The following DNAH2 variants were observed in gnomAD, a reference collection of about 807,000 sequenced individuals.
DNAH2 encodes axonemal beta dynein heavy chain 2.
DNAH2 carries 323 observed loss-of-function variants against 523.5 expected under a neutral mutation model. That is an observed-to-expected ratio of 0.62 (90% CI 0.56 to 0.68). The LOEUF is 0.68. Ranked by LOEUF, DNAH2 falls within the 30% of genes least tolerant of loss-of-function variation. The pLI is 0.00. For missense variants in DNAH2, 4,907 were observed against 5,701.5 expected (o/e 0.86, Z 4.49); for synonymous variants, 2,093 against 2,177.4 (o/e 0.96, Z 1.08).
chr17:7,743,394 G>A lies in DNAH2; in HGVS notation c.1904+252G>A, dbSNP rs548262075. The A allele has an allele frequency of 1.2e-4, 82 of 700,964 alleles. 1 individual carries two copies. Among genetic ancestry groups the A allele is most frequent in the Middle Eastern group, 7.0e-4 (3 of 4,304 alleles). 43.4% of individuals were successfully genotyped at this position (700,964 alleles called of 1,614,324 possible). A position where few individuals can be genotyped will look rare whatever the true frequency, so the allele number is the denominator to read the frequency against. ...AACAAAACAATGATCGGCCAGGCAC[G>A]GTGGCTCACACCTGTAATCCCAGCA... On this transcript the variant is annotated intron_variant, in intron 12 of 85. Coordinates refer to ENST00000572933, the MANE Select transcript of DNAH2 (RefSeq NM_020877.5).
At chr17:7,784,269 A>G (rs955158345) in intron 39 of DNAH2, among the ~76,000 whole-genome samples, 8 of 152,192 alleles carry the variant, frequency 5.3e-5, no homozygotes, top group African/African-American at 1.9e-4. Context: ...CATAGTGGAG[A>G]GCTTAATATT....
At position 7,791,056 on chromosome 17, in the gene DNAH2, A is replaced by G. The variant is rs111350526; in HGVS notation, c.6901-861A>G. On this transcript the variant is annotated intron_variant, in intron 44 of 85. Transcript: ENST00000572933. ...TACCTATAATACCATGGGTATCCATAGAAAATATGTTTTTTGTTTTTTTTT... is the reference window on the plus strand; with the variant it reads ...TACCTATAATACCATGGGTATCCATGGAAAATATGTTTTTTGTTTTTTTTT... Among the ~76,000 whole-genome samples, 1,096 of 152,104 alleles carry G rather than the reference A, an allele frequency of 7.2e-3. 18 individuals carry two copies. Among genetic ancestry groups the G allele is most frequent in the African/African-American group, 0.024 (1,011 of 41,498 alleles).
At chr17:7,802,458 C>T (rs1185585496) in intron 58 of DNAH2, among the ~76,000 whole-genome samples, 3 of 152,172 alleles carry the variant, frequency 2.0e-5, no homozygotes, top group Non-Finnish European at 2.9e-5. Context: ...ATACCAAAAT[C>T]CACAGATGCT....
At position 7,754,240 on chromosome 17, in the gene DNAH2, CTT is replaced by C. The variant is rs2075772408; in HGVS notation, c.1905-2850_1905-2849del. Reference sequence around the variant, plus strand: ...TTTTATCCTTTTAATATTGTAGAAACTTGGCCAAACTTAAATGATGGGAAGGA... The same window carrying C: ...TTTTATCCTTTTAATATTGTAGAAACGGCCAAACTTAAATGATGGGAAGGA... On this transcript the variant is annotated intron_variant, in intron 12 of 85. Coordinates refer to ENST00000572933, the MANE Select transcript of DNAH2 (RefSeq NM_020877.5). This position sits in a 1 kb window ranked among gnomAD's most constrained non-coding sequence, Gnocchi z 4.6. The C allele has an allele frequency of 8.5e-6, 2 of 234,526 alleles. No individual in the cohort carries two copies. The highest frequency in any genetic ancestry group is 1.1e-4 in the Admixed American group (2 of 18,396). The allele number at this position is 234,526 out of a possible 1,614,324, so 14.5% of individuals were successfully genotyped here. A position where few individuals can be genotyped will look rare whatever the true frequency, so the allele number is the denominator to read the frequency against.
rs200510361 is a variant in DNAH2 at position 7,805,111 on chromosome 17, G to A, written c.9300+37G>A. 355 of 1,604,050 alleles carry A rather than the reference G, an allele frequency of 2.2e-4. No individual in the cohort carries two copies. The East Asian group carries it at 7.0e-3, about 31-fold the overall frequency. On this transcript the variant is annotated intron_variant, in intron 60 of 85. Coordinates refer to ENST00000572933, the MANE Select transcript of DNAH2 (RefSeq NM_020877.5). The stretch of plus-strand genomic sequence containing the variant: ...GGGTGCAAGGATGGGAGCCAGGAAC[G>A]CGAGGCCCCGGGGAAGGGAATGGGC...
chr17:7,797,606 T>A, intron 52 of DNAH2, 74 bp from the exon 53 acceptor site: 1 of 1,613,710 alleles, frequency 6.2e-7, no homozygotes, highest in Admixed American at 1.7e-5. Flanking sequence ...GGGCATGGGG[T>A]CTGAAGTGTG....
rs760017804 is a variant in DNAH2, at chr17:7,765,404, T to G, written c.3350T>G (p.Leu1117Arg). The G allele has an allele frequency of 6.2e-6, 10 of 1,613,472 alleles. No homozygotes were observed. Among genetic ancestry groups the G allele is most frequent in the Non-Finnish European group, 8.5e-6 (10 of 1,179,664 alleles). ...TGACTCCCCCAGGTCCTGGAGATGC[T>G]GGACAGTCTCAACGGGGAGTGGGTT... ...VPVEDSVLEM[L>R]DSLNGEWVVF... Residue 1117 changes from leucine to arginine, a missense_variant, in exon 21 of 86, where the codon CTG becomes CGG. Coordinates refer to ENST00000572933, the MANE Select transcript of DNAH2 (RefSeq NM_020877.5).
rs888130480 is a variant in DNAH2, at chr17:7,740,074, G to T, written c.1376+136G>T. The T allele has an allele frequency of 1.1e-4, 62 of 564,486 alleles. 1 individual carries two copies. The highest frequency in any genetic ancestry group is 7.2e-4 in the African/African-American group (35 of 48,764). The allele number at this position is 564,486 out of a possible 1,614,324, so 35.0% of individuals were successfully genotyped here. On this transcript the variant is annotated intron_variant, in intron 9 of 85. Coordinates refer to ENST00000572933, the MANE Select transcript of DNAH2 (RefSeq NM_020877.5). The stretch of plus-strand genomic sequence containing the variant: ...GGATCAGGGCGGTGGCCCGGGGGGG[G>T]GGACAGGAGAGAGTGCAGGGGAGGG...
At chr17:7,793,635 T>C (rs922927676) in intron 48 of DNAH2, among the ~76,000 whole-genome samples, 2 of 151,822 alleles carry the variant, frequency 1.3e-5, no homozygotes, top group Non-Finnish European at 2.9e-5. Context: ...GGGTTAATTT[T>C]ATGATTTTTA....
At chr17:7,745,882 C>T (rs1193416709) in intron 12 of DNAH2, among the ~76,000 whole-genome samples, 1 of 152,080 alleles carries the variant, frequency 6.6e-6, no homozygotes, top group African/African-American at 2.4e-5. Context: ...AGGGGTCAGC[C>T]AGCGAGAGTA....
rs139608880 is a variant in DNAH2, at chr17:7,807,652, C to A, written c.9729+66C>A. ...CTGAGTTCTGGATTGCTTCATTAAG[C>A]ATTTGTTTTCCCCCATCTAATTCTA... On this transcript the variant is annotated intron_variant, in intron 63 of 85. Coordinates refer to ENST00000572933, the MANE Select transcript of DNAH2 (RefSeq NM_020877.5). The surrounding 1 kb of genome is among the most constrained non-coding windows in gnomAD (Gnocchi z 5.6). 15 of 1,394,492 alleles carry A rather than the reference C, an allele frequency of 1.1e-5. No individual in the cohort carries two copies. In the African/African-American group the frequency reaches 1.8e-4, roughly 17 times the overall value. 86.4% of individuals were successfully genotyped at this position (1,394,492 alleles called of 1,614,324 possible).
intron 63 of DNAH2, among the ~76,000 whole-genome samples, chr17:7,809,387 G>A (rs570391382): frequency 2.6e-5 from 4 of 152,030 alleles, no homozygotes; most frequent in East Asian, 3.9e-4. Flanking sequence ...AGCTGCCCAC[G>A]AGGCCTCTTC....
rs529675908 is a variant in DNAH2, at chr17:7,781,781, C to T, written c.6129+614C>T. 5.4e-4 allele frequency among the ~76,000 whole-genome samples: 82 copies of T among 152,322 alleles called. 1 individual carries two copies. The highest frequency in any genetic ancestry group is 1.2e-3 in the Admixed American group (18 of 15,296). ...TAGTCCGTTGCCTTTGCACTTTCTC[C>T]GTGCCCATCAGTCCTCCATGCCTCT... is the stretch of plus-strand genomic sequence containing the variant. On this transcript the variant is annotated intron_variant, in intron 39 of 85. Transcript: ENST00000572933.
intron 4 of DNAH2, among the ~76,000 whole-genome samples, chr17:7,729,603 T>C (rs980161620): frequency 1.3e-5 from 2 of 152,142 alleles, no homozygotes; most frequent in African/African-American, 4.8e-5. Context: ...GCTAATTTTG[T>C]ATTTTTAGTA....
chr17:7,792,528 C>A, intron 46 of DNAH2, 129 bp from the exon 47 acceptor site: 1 of 977,150 alleles, frequency 1.0e-6, no homozygotes, highest in Non-Finnish European at 1.5e-6. Flanking sequence ...CTGAGGGGAG[C>A]ACATGATCCC....
chr17:7,720,067 T>G (rs373867761), intron 2 of DNAH2, among the ~76,000 whole-genome samples, 167 bp downstream of exon 2: 9 of 152,170 alleles, frequency 5.9e-5, no homozygotes, highest in African/African-American at 2.2e-4. Flanking sequence ...CACTGAGTCC[T>G]TTTTTTGTAT....
chr17:7,796,789 C>T (rs566699069), intron 50 of DNAH2, 137 bp downstream of exon 50: 1 of 1,042,184 alleles, frequency 9.6e-7, no homozygotes, highest in Non-Finnish European at 1.3e-6. Flanking sequence ...ACTCCCTGGC[C>T]TTACCTTTAA....
intron 77 of DNAH2, among the ~76,000 whole-genome samples, chr17:7,829,636 T>C (rs2078112620): frequency 6.6e-6 from 1 of 152,006 alleles, no homozygotes; most frequent in South Asian, 2.1e-4. Flanking sequence ...TTTTTGTTAG[T>C]TGAACGTATA....
intron 31 of DNAH2, among the ~76,000 whole-genome samples, 162 bp downstream of exon 31, chr17:7,776,311 C>CA (rs1457639384): frequency 6.6e-6 from 1 of 152,026 alleles, no homozygotes; most frequent in Non-Finnish European, 1.5e-5. Context: ...ACTAAAAATA[C>CA]AAAAAATTAT....
Sources: allele counts gnomAD v4.1 joint callset (sites outside exome capture counted in the v4.1 genomes callset), GRCh38; gene constraint gnomAD v4.1.1; non-coding constraint Gnocchi (gnomAD v3.1); transcripts MANE v1.5; gene names NCBI Gene and HGNC (gene_info 2026-07-23, HGNC 2026-07-21).